The following EYA1 variants were observed in gnomAD, a reference collection of about 807,000 sequenced individuals.
EYA1 encodes the protein protein phosphatase EYA1.
In EYA1, 16 loss-of-function variants were observed where a neutral mutation model predicts 82.0. The ratio of observed to expected loss-of-function variants is 0.20; its 90% CI spans 0.13 to 0.30. The LOEUF (loss-of-function observed/expected upper bound fraction) is 0.30, where lower values mean the gene tolerates loss of function less well. EYA1 is among the 10% of genes least tolerant of loss of function. EYA1 has a pLI of 1.00. For missense variants in EYA1, 633 were observed against 730.7 expected (o/e 0.87, Z 1.54); for synonymous variants, 261 against 264.4 (o/e 0.99, Z 0.12).
chr8:71,482,587 A>C (rs1359281180), intron 2 of EYA1, among the ~76,000 whole-genome samples: 1 of 152,244 alleles, frequency 6.6e-6, no homozygotes, highest in Non-Finnish European at 1.5e-5. Context: ...GACATTTACA[A>C]GTATGTTCAT....
intron 1 of EYA1, among the ~76,000 whole-genome samples, chr8:71,539,737 A>G (rs947390849): frequency 6.6e-6 from 1 of 152,174 alleles, no homozygotes; most frequent in African/African-American, 2.4e-5. Flanking sequence ...AGGTAGCCTC[A>G]CCTGATACAG....
intron 2 of EYA1, among the ~76,000 whole-genome samples, chr8:71,380,206 T>C (rs140981358): frequency 6.6e-6 from 1 of 152,380 alleles, no homozygotes; most frequent in East Asian, 1.9e-4. Flanking sequence ...ATGTGATCTA[T>C]AACATTTATG....
At chr8:71,364,160 A>G (rs1417600342), upstream of EYA1, among the ~76,000 whole-genome samples, 2 of 151,920 alleles carry the variant, frequency 1.3e-5, no homozygotes, top group African/African-American at 4.8e-5. Context: ...CCACTAATTG[A>G]TATGGTATAG....
chr8:71,308,508 G>A (rs1449430074), intron 7 of EYA1, among the ~76,000 whole-genome samples: 1 of 152,094 alleles, frequency 6.6e-6, no homozygotes, highest in Non-Finnish European at 1.5e-5. Context: ...TATGGGACAT[G>A]CAGTTCTGTA....
At chr8:71,275,923 C>A (rs1032202872) in intron 9 of EYA1, among the ~76,000 whole-genome samples, 1 of 152,164 alleles carries the variant, frequency 6.6e-6, no homozygotes, top group Non-Finnish European at 1.5e-5. Flanking sequence ...TTCAGAATAT[C>A]TTGACTTCCC....
intron 2 of EYA1, among the ~76,000 whole-genome samples, chr8:71,401,878 T>A (rs1829978021): frequency 6.6e-6 from 1 of 152,186 alleles, no homozygotes; most frequent in Admixed American, 6.5e-5. Context: ...CTGCTTATGA[T>A]TTTTTCCCTC....
At chr8:71,397,721 A>AT (rs546432214) in intron 2 of EYA1, among the ~76,000 whole-genome samples, 95 of 151,828 alleles carry the variant, frequency 6.3e-4, no homozygotes, top group African/African-American at 2.2e-3. Flanking sequence ...TGCCCTTAAC[A>AT]TTTTTTCCCT....
chr8:71,457,966 C>G (rs1808079336), intron 2 of EYA1, among the ~76,000 whole-genome samples: 1 of 152,132 alleles, frequency 6.6e-6, no homozygotes, highest in African/African-American at 2.4e-5. Flanking sequence ...ATCTTAATTA[C>G]AGGCTCCTAT....
chr8:71,296,456 C>T (rs1016336655), intron 9 of EYA1, among the ~76,000 whole-genome samples: 1 of 150,782 alleles, frequency 6.6e-6, no homozygotes, highest in African/African-American at 2.5e-5. Flanking sequence ...AATGCAGGAA[C>T]AGAAATCATG....
chr8:71,451,048 T>C (rs1807325372), intron 2 of EYA1, among the ~76,000 whole-genome samples: 1 of 152,190 alleles, frequency 6.6e-6, no homozygotes, highest in Non-Finnish European at 1.5e-5. Context: ...ACCCATTAAA[T>C]TGTGAAGGAT....
intron 2 of EYA1, among the ~76,000 whole-genome samples, chr8:71,530,219 T>A (rs1289728937): frequency 6.6e-6 from 1 of 152,086 alleles, no homozygotes; most frequent in Non-Finnish European, 1.5e-5. Flanking sequence ...CATGTGACAA[T>A]ATAGGCAGAG....
At chr8:71,413,826 A>G (rs531449941) in intron 2 of EYA1, among the ~76,000 whole-genome samples, 1 of 152,330 alleles carries the variant, frequency 6.6e-6, no homozygotes, top group East Asian at 1.9e-4. Context: ...TAATAACTAG[A>G]GCTAAATGTC....
At chr8:71,449,416 A>T (rs2129178047) in intron 2 of EYA1, among the ~76,000 whole-genome samples, 1 of 152,304 alleles carries the variant, frequency 6.6e-6, no homozygotes, top group Non-Finnish European at 1.5e-5. Flanking sequence ...TCTCCACCAG[A>T]GCTCTTGAGT....
At chr8:71,231,085 A>G (rs1811137013) in intron 12 of EYA1, among the ~76,000 whole-genome samples, 1 of 152,212 alleles carries the variant, frequency 6.6e-6, no homozygotes, top group African/African-American at 2.4e-5. Flanking sequence ...TTATTGCTCA[A>G]GCCAGAAACT....
Position 71,308,732 on chromosome 8 carries a change from G to T in EYA1, c.556+8820C>A, listed in dbSNP as rs574560103. On this transcript the variant is annotated intron_variant, in intron 7 of 17. Transcript: ENST00000340726. ...TTTTTTTTTTAAGAAAAAAAAAAAA[G>T]GAGTAACAAGTAGGTCAAAGGTCTG... 1.8e-3 allele frequency among the ~76,000 whole-genome samples: 254 copies of T among 140,434 alleles called. 1 individual carries two copies. Among genetic ancestry groups the T allele is most frequent in the Admixed American group, 4.1e-3 (56 of 13,630 alleles). 92.1% of individuals were successfully genotyped at this position (140,434 alleles called of 152,430 possible).
At chr8:71,207,435 T>TA (rs556218874) in intron 17 of EYA1, among the ~76,000 whole-genome samples, 3 of 152,324 alleles carry the variant, frequency 2.0e-5, no homozygotes, top group Admixed American at 2.0e-4. Context: ...GCAAGATTAT[T>TA]AGAAATCGAG....
At chr8:71,255,010 A>G (rs904644300) in intron 11 of EYA1, among the ~76,000 whole-genome samples, 1 of 152,218 alleles carries the variant, frequency 6.6e-6, no homozygotes, top group Non-Finnish European at 1.5e-5. Flanking sequence ...CAGAAATGAA[A>G]GAAATCAAAT....
chr8:71,252,559 A>C (rs1813878344), intron 11 of EYA1, among the ~76,000 whole-genome samples: 1 of 152,142 alleles, frequency 6.6e-6, no homozygotes, highest in African/African-American at 2.4e-5. Flanking sequence ...TTTAGGTGGA[A>C]GTTAAACTAG....
intron 2 of EYA1, among the ~76,000 whole-genome samples, chr8:71,516,230 A>T (rs1374605970): frequency 6.6e-6 from 1 of 152,170 alleles, no homozygotes; most frequent in Non-Finnish European, 1.5e-5. Context: ...TTGAATAGCC[A>T]CTGAGTACCA....
Sources: allele counts gnomAD v4.1 joint callset (sites outside exome capture counted in the v4.1 genomes callset), GRCh38; gene constraint gnomAD v4.1.1; transcripts MANE v1.5; gene names NCBI Gene and HGNC (gene_info 2026-07-23, HGNC 2026-07-21).